The following AKAP19 variants were observed in gnomAD, a reference collection of about 807,000 sequenced individuals.
The protein encoded by AKAP19 is A-kinase anchoring protein 19, also known as small A-kinase anchoring protein.
At chr2:189,992,657 G>C in the AKAP19 span, among the ~76,000 whole-genome samples, 1 of 152,178 alleles carries the variant, frequency 6.6e-6, no homozygotes, top group Admixed American at 6.5e-5. Context: ...CCATGAGCAT[G>C]GGATGTGTTT....
At chr2:189,889,012 C>T in the AKAP19 span, among the ~76,000 whole-genome samples, 1 of 152,080 alleles carries the variant, frequency 6.6e-6, no homozygotes, top group East Asian at 1.9e-4. Context: ...TGTCTTGTGC[C>T]AGTTTTCAAA....
At chr2:190,005,548 A>G in the AKAP19 span, among the ~76,000 whole-genome samples, 2 of 152,200 alleles carry the variant, frequency 1.3e-5, no homozygotes, top group African/African-American at 4.8e-5. Flanking sequence ...CATTACTGCC[A>G]TAAGACTTCT....
the AKAP19 span, among the ~76,000 whole-genome samples, chr2:189,966,795 G>A: frequency 6.6e-6 from 1 of 152,166 alleles, no homozygotes; most frequent in Non-Finnish European, 1.5e-5. Context: ...AACGTGCATA[G>A]AGATATATAT....
the AKAP19 span, among the ~76,000 whole-genome samples, chr2:190,037,878 C>G: frequency 6.6e-6 from 1 of 152,088 alleles, no homozygotes; most frequent in Admixed American, 6.6e-5. Flanking sequence ...GCTTGCTGAT[C>G]AAAGTTACGT....
At chr2:190,062,697 G>A in the AKAP19 span, 1 of 1,135,040 alleles carries the variant, frequency 8.8e-7, no homozygotes, top group Non-Finnish European at 1.3e-6. Flanking sequence ...TGCATGTACA[G>A]TCTGAGAGAC....
chr2:190,066,600 G>C, the AKAP19 span, among the ~76,000 whole-genome samples: 3 of 152,272 alleles, frequency 2.0e-5, no homozygotes, highest in African/African-American at 7.2e-5. Context: ...TTAACATCAT[G>C]AGAAGATAAT....
the AKAP19 span, among the ~76,000 whole-genome samples, chr2:190,024,302 G>GTATA: frequency 3.4e-5 from 5 of 147,488 alleles, no homozygotes; most frequent in Admixed American, 6.8e-5. Context: ...TGCAGAACCA[G>GTATA]TATATATATA....
chr2:190,007,096 A>G, the AKAP19 span, among the ~76,000 whole-genome samples: 2 of 152,232 alleles, frequency 1.3e-5, no homozygotes, highest in Admixed American at 6.5e-5. Context: ...GTAATTTTGT[A>G]TAAGATTAGA....
the AKAP19 span, among the ~76,000 whole-genome samples, chr2:190,043,599 T>C: frequency 5.9e-5 from 9 of 152,224 alleles, no homozygotes; most frequent in African/African-American, 2.2e-4. Context: ...TATTGCTTCA[T>C]TGTGATTCAT....
chr2:190,178,603 C>T, the AKAP19 span, among the ~76,000 whole-genome samples: 27 of 152,326 alleles, frequency 1.8e-4, no homozygotes, highest in East Asian at 5.0e-3. The surrounding 1 kb of genome is among the most constrained non-coding windows in gnomAD (Gnocchi z 6.3). Flanking sequence ...GCTTGGCCAG[C>T]CCTATGATGG....
chr2:190,200,065 A>G, the AKAP19 span: 2 of 1,614,104 alleles, frequency 1.2e-6, no homozygotes, highest in Non-Finnish European at 1.7e-6. Flanking sequence ...GTCTCAGGAT[A>G]TCTTGTGTGA....
the AKAP19 span, among the ~76,000 whole-genome samples, chr2:189,921,316 A>C: frequency 6.6e-6 from 1 of 152,234 alleles, no homozygotes; most frequent in African/African-American, 2.4e-5. Flanking sequence ...AGTTGAAAGA[A>C]GAAATTATTT....
the AKAP19 span, among the ~76,000 whole-genome samples, chr2:190,044,439 C>G: frequency 1.4e-4 from 21 of 152,132 alleles, no homozygotes; most frequent in African/African-American, 4.6e-4. Context: ...GGGTTAACTG[C>G]AGCTTGTTTG....
chr2:189,948,333 TTGTCTC>T, the AKAP19 span, among the ~76,000 whole-genome samples: 1 of 152,030 alleles, frequency 6.6e-6, no homozygotes, highest in Non-Finnish European at 1.5e-5. Context: ...ATAATTTTCT[TTGTCTC>T]TGTTTAGCTT....
chr2:189,978,923 A>T, the AKAP19 span, among the ~76,000 whole-genome samples: 1 of 152,140 alleles, frequency 6.6e-6, no homozygotes, highest in Non-Finnish European at 1.5e-5. Flanking sequence ...ACACTGATGA[A>T]AGAAATCATA....
chr2:190,103,925 G>C, the AKAP19 span, among the ~76,000 whole-genome samples: 1 of 152,242 alleles, frequency 6.6e-6, no homozygotes, highest in East Asian at 1.9e-4. Flanking sequence ...CACATTACCT[G>C]ACTTCAAACT....
At chr2:190,165,256 G>A in the AKAP19 span, among the ~76,000 whole-genome samples, 1 of 152,084 alleles carries the variant, frequency 6.6e-6, no homozygotes, top group South Asian at 2.1e-4. Flanking sequence ...GGAAAACATG[G>A]TGAAATCCCA....
At chr2:190,167,742 C>T in the AKAP19 span, among the ~76,000 whole-genome samples, 1 of 152,246 alleles carries the variant, frequency 6.6e-6, no homozygotes. Flanking sequence ...ACTCCTTTGA[C>T]TCCACGTCTC....
At chr2:189,946,924 G>A in the AKAP19 span, among the ~76,000 whole-genome samples, 3 of 152,118 alleles carry the variant, frequency 2.0e-5, no homozygotes, top group Admixed American at 6.5e-5. Flanking sequence ...ACTGACATTA[G>A]CCTATGCTTA....
Sources: gnomAD v4.1 joint callset for allele counts (sites outside exome capture counted in the v4.1 genomes callset) on GRCh38, gnomAD v4.1.1 for gene constraint, Gnocchi (gnomAD v3.1) non-coding constraint, MANE v1.5 for transcripts, NCBI Gene and HGNC (gene_info 2026-07-23, HGNC 2026-07-21) for gene names.